ARHGEF3: variants seen among roughly 807,000 people sequenced by gnomAD.
ARHGEF3 encodes the protein Rho guanine nucleotide exchange factor 3.
Under a neutral mutation model 63.2 loss-of-function variants are expected in ARHGEF3, and 28 were observed. The ratio of observed to expected loss-of-function variants is 0.44; its 90% confidence interval spans 0.33 to 0.61. The LOEUF (loss-of-function observed/expected upper bound fraction) is 0.61. Ranked by LOEUF, ARHGEF3 falls within the 20% of genes least tolerant of loss-of-function variation. The pLI is 0.03. For missense variants in ARHGEF3, 533 were observed against 659.3 expected (o/e 0.81, Z 2.10); for synonymous variants, 266 against 254.2 (o/e 1.05, Z -0.44).
At chr3:56,835,542 G>A (rs2039080563) in intron 4 of ARHGEF3, among the ~76,000 whole-genome samples, 1 of 152,096 alleles carries the variant, frequency 6.6e-6, no homozygotes, top group African/African-American at 2.4e-5. Flanking sequence ...ATAATTATAA[G>A]ACATGCTAAA....
intron 2 of ARHGEF3, among the ~76,000 whole-genome samples, chr3:56,771,528 A>G (rs189946421): frequency 3.9e-5 from 6 of 152,332 alleles, no homozygotes; most frequent in African/African-American, 4.8e-5. Context: ...GCCAGGTGTT[A>G]GAAGGGCAAT....
intron 1 of ARHGEF3, among the ~76,000 whole-genome samples, chr3:57,050,442 G>A (rs1167210026): frequency 6.6e-6 from 1 of 152,236 alleles, no homozygotes; most frequent in East Asian, 1.9e-4. Flanking sequence ...GCTGCCTATG[G>A]CTGAGCCCCA....
intron 4 of ARHGEF3, among the ~76,000 whole-genome samples, chr3:56,845,875 A>G (rs2039471460): frequency 6.6e-6 from 1 of 152,344 alleles, no homozygotes; most frequent in Admixed American, 6.5e-5. Flanking sequence ...ACCACACCGA[A>G]GTTGTGCTTG....
intron 4 of ARHGEF3, among the ~76,000 whole-genome samples, chr3:56,835,401 C>T (rs1017775641): frequency 1.3e-4 from 20 of 152,086 alleles, no homozygotes; most frequent in African/African-American, 4.6e-4. Flanking sequence ...GTCTCGAACT[C>T]CTGACTTCAG....
At position 56,899,428 on chromosome 3, in the gene ARHGEF3, G is replaced by A. The variant is rs577684894; in HGVS notation, c.130-17074C>T. On this transcript the variant is annotated intron_variant, in intron 3 of 12. Transcript: ENST00000338458. Reference sequence around the variant, plus strand: ...ACTTCACCTTGAATACTCCCCTAACGTTTACCATGCCCAATCTTTCTCTTC... The same window carrying A: ...ACTTCACCTTGAATACTCCCCTAACATTTACCATGCCCAATCTTTCTCTTC... Among the ~76,000 whole-genome samples, 19 of 152,280 alleles carry A rather than the reference G, an allele frequency of 1.2e-4. No homozygotes were observed. In the South Asian group the frequency reaches 3.5e-3, roughly 28 times the overall value.
At chr3:57,048,691 A>G (rs181758464) in intron 1 of ARHGEF3, among the ~76,000 whole-genome samples, 4 of 152,274 alleles carry the variant, frequency 2.6e-5, no homozygotes, top group African/African-American at 9.6e-5. Flanking sequence ...TTGGGGACAC[A>G]GGCCCCCAAA....
chr3:57,051,182 T>C (rs905457229), intron 1 of ARHGEF3, among the ~76,000 whole-genome samples: 1 of 152,234 alleles, frequency 6.6e-6, no homozygotes, highest in Non-Finnish European at 1.5e-5. Flanking sequence ...AATCTCCTAC[T>C]AACTCAAGCC....
rs138159622 is a variant in ARHGEF3, at chr3:56,845,286, C to A, written c.192+37006G>T. ...GCTAAGCAATGTTGAACTCCTGACC[C>A]ACAAAAATTGCACCATAATAAATGT... On this transcript the variant is annotated intron_variant, in intron 4 of 12. Transcript: ENST00000338458. 4.0e-3 allele frequency among the ~76,000 whole-genome samples: 607 copies of A among 152,294 alleles called. 1 individual carries two copies. Among genetic ancestry groups the A allele is most frequent in the African/African-American group, 0.014 (568 of 41,548 alleles).
intron 4 of ARHGEF3, among the ~76,000 whole-genome samples, chr3:56,854,400 A>C (rs533032874): frequency 6.6e-6 from 1 of 152,274 alleles, no homozygotes; most frequent in South Asian, 2.1e-4. Flanking sequence ...GTTAAGGAGG[A>C]GTATTTATCC....
At chr3:56,839,769 T>C (rs1329994124) in intron 4 of ARHGEF3, among the ~76,000 whole-genome samples, 1 of 152,122 alleles carries the variant, frequency 6.6e-6, no homozygotes. Context: ...CAAGGATGCT[T>C]TGACCCTAGA....
chr3:57,032,483 G>A (rs1703773830), intron 2 of ARHGEF3, among the ~76,000 whole-genome samples: 1 of 152,188 alleles, frequency 6.6e-6, no homozygotes, highest in Non-Finnish European at 1.5e-5. Context: ...TGAGAGCACT[G>A]GGTAGAAACC....
At chr3:57,002,402 A>G (rs1702232414) in intron 2 of ARHGEF3, among the ~76,000 whole-genome samples, 1 of 131,230 alleles carries the variant, frequency 7.6e-6, no homozygotes, top group Non-Finnish European at 1.6e-5. Flanking sequence ...CACTTATTAT[A>G]TGCCAGGCAC....
intron 2 of ARHGEF3, among the ~76,000 whole-genome samples, chr3:56,981,966 A>G (rs1701344040): frequency 6.6e-6 from 1 of 152,340 alleles, no homozygotes; most frequent in African/African-American, 2.4e-5. Flanking sequence ...AGAGATGGGC[A>G]TGTAACCTGG....
At chr3:56,891,299 T>C (rs891014049) in intron 3 of ARHGEF3, among the ~76,000 whole-genome samples, 37 of 150,848 alleles carry the variant, frequency 2.5e-4, no homozygotes, top group Non-Finnish European at 1.0e-4. Flanking sequence ...ATTACAGGTG[T>C]GACCCACCGT....
chr3:56,753,466 T>A lies in ARHGEF3; in HGVS notation c.438+38A>T, dbSNP rs376736536. 47 of 1,589,066 alleles carry A rather than the reference T, an allele frequency of 3.0e-5. No homozygotes were observed. In the East Asian group the frequency reaches 9.6e-4, roughly 33 times the overall value. ...TTGTGAAATTACTCAAGAAAAAAAA[T>A]GTGACTTGACTCAAGTGACTGCTGG... is the stretch of plus-strand genomic sequence containing the variant. On this transcript the variant is annotated intron_variant, in intron 4 of 9. Coordinates refer to ENST00000296315, the MANE Select transcript of ARHGEF3 (RefSeq NM_019555.3).
chr3:56,903,872 CTG>C (rs567000407), intron 3 of ARHGEF3, among the ~76,000 whole-genome samples: 231 of 152,078 alleles, frequency 1.5e-3, no homozygotes, highest in African/African-American at 5.3e-3. Context: ...GAAAATAAAA[CTG>C]AGAATTTTTT....
chr3:56,802,434 T>TG (rs2037706483), upstream of ARHGEF3, among the ~76,000 whole-genome samples: 1 of 152,208 alleles, frequency 6.6e-6, no homozygotes, highest in South Asian at 2.1e-4. Context: ...TGTTTTTGTT[T>TG]GGTTTTTTAA....
intron 7 of ARHGEF3, among the ~76,000 whole-genome samples, chr3:56,744,827 T>C (rs2034277993): frequency 6.6e-6 from 1 of 152,050 alleles, no homozygotes; most frequent in Admixed American, 6.6e-5. Flanking sequence ...ACTTCACAAA[T>C]GAGTTTTGGG....
chr3:56,981,717 C>G lies in ARHGEF3; in HGVS notation c.63-22828G>C, dbSNP rs146295190. ...AGGGACTGGAGCACTAAGACCTGGC[C>G]AAGCTCACATGGTCTGTTGGTCACA... On this transcript the variant is annotated intron_variant, in intron 2 of 12. Transcript: ENST00000338458. 5.3e-4 allele frequency among the ~76,000 whole-genome samples: 81 copies of G among 152,326 alleles called. 2 individuals carry two copies. In the East Asian group the frequency reaches 0.014, roughly 26 times the overall value.
Sources: allele counts gnomAD v4.1 joint callset (sites outside exome capture counted in the v4.1 genomes callset), GRCh38; gene constraint gnomAD v4.1.1; transcripts MANE v1.5; gene names NCBI Gene and HGNC (gene_info 2026-07-23, HGNC 2026-07-21).